Variants in BAZ2B observed in about 807,000 individuals in gnomAD.
The protein encoded by BAZ2B is bromodomain adjacent to zinc finger domain 2B, also known as bromodomain adjacent to zinc finger domain protein 2B.
In BAZ2B, 91 loss-of-function variants were observed where a neutral mutation model predicts 246.0. The ratio of observed to expected loss-of-function variants is 0.37; its 90% CI spans 0.31 to 0.44. The LOEUF is 0.44. Among genes scored for constraint, BAZ2B ranks in the 20% least tolerant of loss-of-function variants. The probability of loss-of-function intolerance (pLI) is 1.00; values close to 1 mark genes in which losing one functional copy is unlikely to be tolerated. For missense variants in BAZ2B, 2,332 were observed against 2,533.7 expected, an observed-to-expected ratio of 0.92 and a Z score of 1.71; for synonymous variants, 855 against 860.0, an observed-to-expected ratio of 0.99 and a Z score of 0.10.
intron 27 of BAZ2B, among the ~76,000 whole-genome samples, chr2:159,352,503 T>A (rs1452979404): frequency 2.7e-5 from 4 of 150,694 alleles, no homozygotes. Flanking sequence ...TTTTTTTTTC[T>A]TAGATAGGGT....
At chr2:159,678,416 C>A in the BAZ2B span, among the ~76,000 whole-genome samples, 1 of 152,168 alleles carries the variant, frequency 6.6e-6, no homozygotes, top group Admixed American at 6.5e-5. Context: ...ATACTTTATT[C>A]TTTGCATATA....
At chr2:159,488,318 C>G (rs2080069256) in intron 2 of BAZ2B, among the ~76,000 whole-genome samples, 1 of 152,100 alleles carries the variant, frequency 6.6e-6, no homozygotes. Context: ...AGTGATCCAC[C>G]CGCCTCGGCC....
the BAZ2B span, among the ~76,000 whole-genome samples, chr2:159,674,667 G>GA: frequency 1.3e-5 from 2 of 150,718 alleles, no homozygotes; most frequent in African/African-American, 4.9e-5. Context: ...AGTGAGCTGA[G>GA]ATTGCGCCAT....
chr2:159,495,289 T>G (rs2080955743), intron 2 of BAZ2B, among the ~76,000 whole-genome samples: 1 of 150,608 alleles, frequency 6.6e-6, no homozygotes, highest in Non-Finnish European at 1.5e-5. Flanking sequence ...ATCGAGACCA[T>G]CCCGGCTAAA....
intron 1 of BAZ2B, among the ~76,000 whole-genome samples, chr2:159,561,350 C>T (rs897519779): frequency 4.6e-5 from 7 of 152,224 alleles, no homozygotes; most frequent in Admixed American, 4.6e-4. Flanking sequence ...TGCCAGCTTT[C>T]CCTTTGACCT....
chr2:159,593,227 CATT>C (rs1689807099), intron 1 of BAZ2B, among the ~76,000 whole-genome samples: 1 of 152,188 alleles, frequency 6.6e-6, no homozygotes, highest in African/African-American at 2.4e-5. Context: ...TTAAATCTAT[CATT>C]ATTTTCCTCA....
At chr2:159,565,602 C>A (rs1245563521) in intron 1 of BAZ2B, among the ~76,000 whole-genome samples, 2 of 151,932 alleles carry the variant, frequency 1.3e-5, no homozygotes, top group Non-Finnish European at 2.9e-5. Context: ...TATGGTGAAA[C>A]CCTGTCTTTA....
the BAZ2B span, among the ~76,000 whole-genome samples, chr2:159,688,206 GT>G: frequency 6.6e-6 from 1 of 151,368 alleles, no homozygotes; most frequent in Non-Finnish European, 1.5e-5. Context: ...CACCCAGCTA[GT>G]TTTTTTTAAT....
At chr2:159,570,004 T>C (rs893732244) in intron 1 of BAZ2B, among the ~76,000 whole-genome samples, 1 of 152,168 alleles carries the variant, frequency 6.6e-6, no homozygotes, top group African/African-American at 2.4e-5. Flanking sequence ...ACGTTTTCAA[T>C]ATACATGTGT....
intron 25 of BAZ2B, among the ~76,000 whole-genome samples, chr2:159,380,207 G>A (rs1432573861): frequency 2.0e-5 from 3 of 151,684 alleles, no homozygotes; most frequent in Non-Finnish European, 2.9e-5. Context: ...AAATCATCTC[G>A]TCTTTAACAT....
intron 2 of BAZ2B, among the ~76,000 whole-genome samples, chr2:159,517,823 C>T (rs1040394351): frequency 1.3e-5 from 2 of 152,058 alleles, no homozygotes; most frequent in African/African-American, 4.8e-5. Context: ...CGGTATTGAG[C>T]CACATTAATG....
the BAZ2B span, among the ~76,000 whole-genome samples, chr2:159,641,764 T>C: frequency 6.6e-6 from 1 of 152,222 alleles, no homozygotes; most frequent in Admixed American, 6.5e-5. Flanking sequence ...CCAGTTTCAA[T>C]CTTCTGCATA....
the BAZ2B span, among the ~76,000 whole-genome samples, chr2:159,628,823 A>G: frequency 1.3e-3 from 205 of 152,170 alleles, no homozygotes; most frequent in Non-Finnish European, 2.5e-3. Flanking sequence ...GACAAATGGG[A>G]CTAATTAAAC....
At chr2:159,428,119 C>G in intron 12 of BAZ2B, 77 bp from the exon 13 acceptor site, 1 of 1,374,672 alleles carries the variant, frequency 7.3e-7, no homozygotes, top group Non-Finnish European at 1.0e-6. Flanking sequence ...AGCTTCAGGA[C>G]ACTAATGTTT....
At chr2:159,704,446 TCCTC>T in the BAZ2B span, among the ~76,000 whole-genome samples, 147 of 136,124 alleles carry the variant, frequency 1.1e-3, no homozygotes, top group African/African-American at 4.0e-3. Flanking sequence ...TTTCCTTCCT[TCCTC>T]CCTCCCTCCC....
At chr2:159,422,722 G>A (rs1304639755) in intron 13 of BAZ2B, among the ~76,000 whole-genome samples, 1 of 152,074 alleles carries the variant, frequency 6.6e-6, no homozygotes, top group Non-Finnish European at 1.5e-5. Flanking sequence ...ATTGACAAGT[G>A]AGACCTAATT....
chr2:159,525,487 A>G (rs1218546191), intron 2 of BAZ2B, among the ~76,000 whole-genome samples: 1 of 152,204 alleles, frequency 6.6e-6, no homozygotes. Context: ...CGTGTTGCAC[A>G]TTATTTAAAA....
At chr2:159,499,099 G>C (rs2081445736) in intron 2 of BAZ2B, among the ~76,000 whole-genome samples, 1 of 152,000 alleles carries the variant, frequency 6.6e-6, no homozygotes, top group Non-Finnish European at 1.5e-5. Flanking sequence ...ATGGTGGTCT[G>C]CTGCACAGAT....
chr2:159,406,903 C>T (rs909357811), intron 14 of BAZ2B, among the ~76,000 whole-genome samples: 3 of 151,776 alleles, frequency 2.0e-5, no homozygotes, highest in Admixed American at 6.6e-5. Flanking sequence ...TACAGGCGCC[C>T]GCCACCACGC....
Sources: gnomAD v4.1 joint callset for allele counts (sites outside exome capture counted in the v4.1 genomes callset) on GRCh38, gnomAD v4.1.1 for gene constraint, MANE v1.5 for transcripts, NCBI Gene and HGNC (gene_info 2026-07-23, HGNC 2026-07-21) for gene names.